The following CUX1 variants were observed in gnomAD, a reference collection of about 807,000 sequenced individuals.
CUX1 encodes the protein cut like homeobox 1, also known as protein CASP.
CUX1 carries 31 observed loss-of-function variants against 158.8 expected under a neutral mutation model. The ratio of observed to expected loss-of-function variants is 0.20; its 90% CI spans 0.15 to 0.26. CUX1 has a LOEUF of 0.26. CUX1 is among the 10% of genes least tolerant of loss of function. The pLI is 1.00. For synonymous variants in CUX1, 879 were observed against 862.1 expected (o/e 1.02, Z -0.34); for missense variants, 1,589 against 2,014.6 (o/e 0.79, Z 4.04).
At chr7:102,194,948 C>T (rs1794633101) in intron 13 of CUX1, among the ~76,000 whole-genome samples, 2 of 151,940 alleles carry the variant, frequency 1.3e-5, no homozygotes, top group African/African-American at 4.8e-5. Context: ...CACTTGAACC[C>T]AGGAGCCAGA....
intron 2 of CUX1, among the ~76,000 whole-genome samples, chr7:101,928,197 C>A (rs895487284): frequency 5.3e-5 from 8 of 151,960 alleles, no homozygotes; most frequent in African/African-American, 1.9e-4. Flanking sequence ...TTTCTTATCT[C>A]AAAAAATAGG....
At chr7:102,117,707 C>T (rs1554492268) in intron 8 of CUX1, among the ~76,000 whole-genome samples, 1 of 152,142 alleles carries the variant, frequency 6.6e-6, no homozygotes, top group Non-Finnish European at 1.5e-5. Flanking sequence ...TCGAGGAAGC[C>T]TTCCTAAAGA....
intron 8 of CUX1, among the ~76,000 whole-genome samples, chr7:102,137,509 G>C (rs1554499085): frequency 6.6e-6 from 1 of 152,074 alleles, no homozygotes; most frequent in South Asian, 2.1e-4. Flanking sequence ...GGTGGTGGAT[G>C]CCTATAATCC....
At chr7:101,933,890 GA>G (rs539223980) in intron 2 of CUX1, among the ~76,000 whole-genome samples, 1 of 150,776 alleles carries the variant, frequency 6.6e-6, no homozygotes, top group African/African-American at 2.4e-5. Flanking sequence ...TTGAAATGAT[GA>G]AAAAAAAAGT....
chr7:102,173,491 C>G (rs935160083), intron 10 of CUX1, among the ~76,000 whole-genome samples: 1 of 152,198 alleles, frequency 6.6e-6, no homozygotes, highest in Non-Finnish European at 1.5e-5. Flanking sequence ...CCCCTTGGCT[C>G]TGTTACAGTT....
intron 4 of CUX1, among the ~76,000 whole-genome samples, chr7:102,095,302 C>T (rs182083480): frequency 7.2e-5 from 11 of 152,264 alleles, no homozygotes; most frequent in African/African-American, 2.4e-4. Context: ...TGAGCCACTG[C>T]AGCCGGCCTC....
Position 102,253,448 on chromosome 7 carries a change from G to T in CUX1, c.*4406G>T. The T allele has an allele frequency of 1.0e-6, 1 of 985,494 alleles. No homozygotes were observed. The allele number at this position is 985,494 out of a possible 1,614,324, so 61.0% of individuals were successfully genotyped here. A position where few individuals can be genotyped will look rare whatever the true frequency, so the allele number is the denominator to read the frequency against. On this transcript the variant is annotated 3_prime_UTR_variant, in exon 24 of 24. Coordinates refer to ENST00000292535, the MANE Select transcript of CUX1 (RefSeq NM_181552.4). The stretch of plus-strand genomic sequence containing the variant: ...CCCCAGGTGAGCTCTCTGACGGGCA[G>T]GTGCCTTCCCGACTAAGGTTGGACT...
At chr7:102,278,660 A>AAAAAATAAAAT (rs1586534421) in intron 18 of CUX1, among the ~76,000 whole-genome samples, 1 of 82,012 alleles carries the variant, frequency 1.2e-5, no homozygotes, top group Non-Finnish European at 3.1e-5. Flanking sequence ...AAAATAAAAA[A>AAAAAATAAAAT]ATAAAATAAA....
chr7:102,236,944 C>A (rs1799634729), intron 22 of CUX1, among the ~76,000 whole-genome samples: 1 of 152,174 alleles, frequency 6.6e-6, no homozygotes, highest in African/African-American at 2.4e-5. Context: ...TATCCAAAGC[C>A]GCTGTGGTCC....
chr7:102,062,378 C>T (rs539767768), intron 3 of CUX1, among the ~76,000 whole-genome samples: 122 of 152,298 alleles, frequency 8.0e-4, no homozygotes, highest in African/African-American at 2.7e-3. Flanking sequence ...TGGGCACTTT[C>T]TCACCCCTTC....
intron 9 of CUX1, among the ~76,000 whole-genome samples, chr7:102,159,836 G>A (rs140390151): frequency 0.018 from 2,730 of 151,444 alleles, 42 homozygotes; most frequent in Admixed American, 0.031. Flanking sequence ...CAACAGAGCA[G>A]AAACTCCATC....
At chr7:102,240,758 A>G (rs1800110923) in intron 23 of CUX1, among the ~76,000 whole-genome samples, 1 of 152,202 alleles carries the variant, frequency 6.6e-6, no homozygotes, top group African/African-American at 2.4e-5. Context: ...TCACCGAGTT[A>G]TATCACTTAA....
Position 102,200,069 on chromosome 7 carries a change from A to G in CUX1, c.1961-2A>G. 1 of 1,607,470 alleles carries G rather than the reference A, an allele frequency of 6.2e-7. No individual in the cohort carries two copies. Among genetic ancestry groups the G allele is most frequent in the Non-Finnish European group, 8.5e-7 (1 of 1,177,434 alleles). ...TGTCATTGGCGCAACTTCTCCCCAC[A>G]GGTAACATCACCACCCGGATCCGAG... On this transcript the variant is annotated splice_acceptor_variant, in intron 16 of 23. Coordinates refer to ENST00000292535, the MANE Select transcript of CUX1 (RefSeq NM_181552.4). LOFTEE classifies it high-confidence loss of function.
rs1792099854 is a variant in CUX1 at position 102,281,926 on chromosome 7, T to C, written c.1902+6T>C. 10 of 1,601,252 alleles carry C rather than the reference T, an allele frequency of 6.2e-6. No homozygotes were observed. The East Asian group carries it at 2.0e-4, about 32-fold the overall frequency. ...TGCACTGCCTGGTCTTCCTGGTGAG[T>C]GTGCACACGGGCGGGCCAGAGGCAC... On this transcript the variant is annotated splice_donor_region_variant and intron_variant, in intron 21 of 22. Transcript: ENST00000292538.
intron 23 of CUX1, among the ~76,000 whole-genome samples, chr7:102,245,753 C>T (rs1800740353): frequency 1.3e-5 from 2 of 152,130 alleles, no homozygotes; most frequent in African/African-American, 2.4e-5. Flanking sequence ...AGGTGGATCA[C>T]CTGAGGTCAG....
At chr7:102,062,837 G>T (rs1403269657) in intron 3 of CUX1, among the ~76,000 whole-genome samples, 1 of 151,996 alleles carries the variant, frequency 6.6e-6, no homozygotes, top group Non-Finnish European at 1.5e-5. Context: ...GGGTGCGGTG[G>T]CTCATGCCTG....
chr7:101,884,973 C>A (rs1800079212), intron 1 of CUX1, among the ~76,000 whole-genome samples: 2 of 152,198 alleles, frequency 1.3e-5, no homozygotes, highest in South Asian at 4.1e-4. Context: ...CTTTTCATTT[C>A]CTCGCTGGGT....
At chr7:102,283,093 C>A (rs1383956089) in exon 23 of CUX1, 15 of 1,613,160 alleles carry the variant, frequency 9.3e-6, no homozygotes, top group African/African-American at 2.7e-5. Context: ...GGCAGTGATA[C>A]CCCGGGGCCT....
In CUX1 at chr7:102,234,134, T is replaced by A. The variant is rs1554531748; in HGVS notation, c.3516T>A (p.His1172Gln). Residue 1172 changes from histidine (H) to glutamine (Q), a missense_variant, in exon 22 of 24, where the codon CAT (histidine) becomes CAA (glutamine). His to Gln is a conservative substitution (Grantham distance 24). Transcript: ENST00000292535. ...TCCTTGCCCGCCCCAAACCCTGGCA[T>A]AAGCTCAGTCTGAAAGGACGAGAGC... The part of the protein sequence containing the change: ...SDLLARPKPW[H>Q]KLSLKGREPF... 1 of 1,602,934 alleles carries A rather than the reference T, an allele frequency of 6.2e-7. No individual in the cohort carries two copies. The highest frequency in any genetic ancestry group is 1.1e-5 in the South Asian group (1 of 89,110).
Sources: allele counts gnomAD v4.1 joint callset (sites outside exome capture counted in the v4.1 genomes callset), GRCh38; gene constraint gnomAD v4.1.1; transcripts MANE v1.5; gene names NCBI Gene and HGNC (gene_info 2026-07-23, HGNC 2026-07-21).